Variants in SKAP2 observed in about 807,000 individuals in gnomAD.
The protein encoded by SKAP2 is src kinase-associated phosphoprotein 2.
Under a neutral mutation model 54.9 loss-of-function variants are expected in SKAP2, and 28 were observed. The observed-to-expected ratio is 0.51, with a 90% confidence interval of 0.38 to 0.70. The LOEUF is 0.70. Ranked by LOEUF, SKAP2 falls within the 30% of genes least tolerant of loss-of-function variation. The probability of loss-of-function intolerance (pLI) is 0.00; values close to 1 mark genes in which losing one functional copy is unlikely to be tolerated. For synonymous variants in SKAP2, 137 were observed against 134.3 expected, an observed-to-expected ratio of 1.02 and a Z score of -0.14; for missense variants, 356 against 424.1, an observed-to-expected ratio of 0.84 and a Z score of 1.41.
chr7:26,858,994 A>G (rs1473156012), intron 1 of SKAP2, among the ~76,000 whole-genome samples: 1 of 152,148 alleles, frequency 6.6e-6, no homozygotes, highest in African/African-American at 2.4e-5. Flanking sequence ...TGGCCCATGC[A>G]TATACACACA....
At chr7:26,721,060 A>G (rs766756694) in intron 9 of SKAP2, among the ~76,000 whole-genome samples, 2 of 152,212 alleles carry the variant, frequency 1.3e-5, no homozygotes, top group Non-Finnish European at 2.9e-5. Context: ...TAGACTAACA[A>G]TATTAAAATA....
chr7:26,750,757 A>G (rs78240245), intron 4 of SKAP2, among the ~76,000 whole-genome samples: 1,618 of 152,282 alleles, frequency 0.011, 29 homozygotes, highest in African/African-American at 0.037. Flanking sequence ...AATGGGGAAA[A>G]TGATGTTTAT....
At chr7:26,729,886 G>C (rs1211841613) in intron 6 of SKAP2, among the ~76,000 whole-genome samples, 1 of 152,152 alleles carries the variant, frequency 6.6e-6, no homozygotes, top group Non-Finnish European at 1.5e-5. Context: ...AGAACAAAAT[G>C]TGCTGTTGTT....
chr7:26,732,828 T>G (rs1300725543), intron 6 of SKAP2, among the ~76,000 whole-genome samples: 1 of 152,174 alleles, frequency 6.6e-6, no homozygotes, highest in Admixed American at 6.5e-5. Flanking sequence ...AGACTAGATA[T>G]CAAACCAACA....
chr7:26,697,058 G>GA (rs533818245), intron 9 of SKAP2, among the ~76,000 whole-genome samples: 11 of 151,920 alleles, frequency 7.2e-5, no homozygotes, highest in Non-Finnish European at 1.6e-4. Context: ...ATAGAGTCAG[G>GA]AAAAAAAATC....
At chr7:26,824,539 T>C (rs1784448719) in intron 4 of SKAP2, among the ~76,000 whole-genome samples, 1 of 151,184 alleles carries the variant, frequency 6.6e-6, no homozygotes, top group Non-Finnish European at 1.5e-5. Context: ...TAACTTGGCC[T>C]ATCAGTTTGA....
chr7:26,725,020 C>A (rs975448649), intron 9 of SKAP2, among the ~76,000 whole-genome samples: 2 of 151,938 alleles, frequency 1.3e-5, no homozygotes, highest in African/African-American at 4.8e-5. Context: ...TTGGTAACAT[C>A]TGGGGTGTGC....
At chr7:26,712,205 C>G (rs1457067797) in intron 9 of SKAP2, among the ~76,000 whole-genome samples, 1 of 152,126 alleles carries the variant, frequency 6.6e-6, no homozygotes, top group Non-Finnish European at 1.5e-5. Context: ...CATCCCTAAT[C>G]TGAAAATCTG....
At chr7:26,684,145 T>C (rs1442562757) in intron 11 of SKAP2, among the ~76,000 whole-genome samples, 1 of 152,114 alleles carries the variant, frequency 6.6e-6, no homozygotes, top group East Asian at 1.9e-4. Flanking sequence ...AATTTATGTA[T>C]ATACACACAC....
At chr7:26,857,864 G>A (rs1785205430) in intron 1 of SKAP2, 7 of 335,520 alleles carry the variant, frequency 2.1e-5, no homozygotes, top group Non-Finnish European at 3.0e-5. Context: ...AAATAGCCCT[G>A]CAAACGGTAA....
rs566935651 is a variant in SKAP2 at position 26,789,452 on chromosome 7, A to G, written c.308-49488T>C. On this transcript the variant is annotated intron_variant, in intron 4 of 12. Coordinates refer to ENST00000345317, the MANE Select transcript of SKAP2 (RefSeq NM_003930.5). ...AGGATCTGCTTTAAGTTGACGTACA[A>G]TGCATTAAGCATCACTCACACAGAG... Among the ~76,000 whole-genome samples, 4 of 152,344 alleles carry G rather than the reference A, an allele frequency of 2.6e-5. No individual in the cohort carries two copies. In the East Asian group the frequency reaches 7.7e-4, roughly 29 times the overall value.
intron 4 of SKAP2, among the ~76,000 whole-genome samples, chr7:26,774,919 G>C (rs2127976277): frequency 6.6e-6 from 1 of 152,246 alleles, no homozygotes; most frequent in Middle Eastern, 3.4e-3. Flanking sequence ...TCTGTGGTAG[G>C]TAAATGGTAT....
chr7:26,686,816 A>C (rs376286770), intron 10 of SKAP2, among the ~76,000 whole-genome samples: 3 of 152,084 alleles, frequency 2.0e-5, no homozygotes, highest in Non-Finnish European at 2.9e-5. Flanking sequence ...CTTCCCCCAC[A>C]GTAACATGCG....
intron 9 of SKAP2, among the ~76,000 whole-genome samples, chr7:26,707,410 C>T (rs1171987294): frequency 2.0e-5 from 3 of 152,002 alleles, no homozygotes; most frequent in South Asian, 4.2e-4. Flanking sequence ...CCCCTTAGTA[C>T]ATAGGAGACA....
chr7:26,819,700 T>C (rs929481001), intron 4 of SKAP2, among the ~76,000 whole-genome samples: 1 of 152,200 alleles, frequency 6.6e-6, no homozygotes, highest in African/African-American at 2.4e-5. Context: ...GACAGCATCT[T>C]TACATGCCTT....
intron 2 of SKAP2, 45 bp downstream of exon 2, chr7:26,854,740 C>T: frequency 1.3e-6 from 2 of 1,513,948 alleles, no homozygotes; most frequent in Non-Finnish European, 1.8e-6. Context: ...AGTTACAAAA[C>T]TGCTTCTATG....
In SKAP2 at chr7:26,669,304, C is replaced by T. The variant is rs1006170196; in HGVS notation, c.*362G>A. 2 of 152,072 alleles carry T rather than the reference C, an allele frequency of 1.3e-5. No homozygotes were observed. Among genetic ancestry groups the T allele is most frequent in the Admixed American group, 6.5e-5 (1 of 15,270 alleles). 9.4% of individuals were successfully genotyped at this position (152,072 alleles called of 1,614,324 possible). On this transcript the variant is annotated 3_prime_UTR_variant, in exon 13 of 13. Coordinates refer to ENST00000345317, the MANE Select transcript of SKAP2 (RefSeq NM_003930.5). ...TAATTGATGTCCAATGATTAAGAAA[C>T]ATTACAAATCACACCAGAAGTAGCA...
At chr7:26,831,215 A>G (rs942345584) in intron 4 of SKAP2, among the ~76,000 whole-genome samples, 5 of 152,198 alleles carry the variant, frequency 3.3e-5, no homozygotes, top group Non-Finnish European at 7.4e-5. Flanking sequence ...GCCTATGTAT[A>G]AAATTTTTCC....
intron 9 of SKAP2, among the ~76,000 whole-genome samples, chr7:26,712,187 T>C (rs1787326078): frequency 6.6e-6 from 1 of 152,214 alleles, no homozygotes; most frequent in Admixed American, 6.5e-5. Flanking sequence ...TGCATTATAC[T>C]GGTTGAGCAT....
Sources: allele counts gnomAD v4.1 joint callset (sites outside exome capture counted in the v4.1 genomes callset), GRCh38; gene constraint gnomAD v4.1.1; transcripts MANE v1.5; gene names NCBI Gene and HGNC (gene_info 2026-07-23, HGNC 2026-07-21).